GNAI3: variants seen among roughly 807,000 people sequenced by gnomAD.
GNAI3 encodes the protein G protein subunit alpha i3.
GNAI3 carries 12 observed loss-of-function variants against 41.8 expected under a neutral mutation model. That is an observed-to-expected ratio of 0.29 (90% confidence interval 0.18 to 0.47). The LOEUF is 0.47. Ranked by LOEUF, GNAI3 falls within the 20% of genes least tolerant of loss-of-function variation. GNAI3 has a pLI of 1.00. For missense variants in GNAI3, 360 were observed against 429.6 expected (o/e 0.84, Z 1.43); for synonymous variants, 132 against 146.5 (o/e 0.90, Z 0.71).
rs147790969 is a variant in GNAI3, at chr1:109,567,380, G to A, written c.119-6357G>A. ...AACTGCTATCTCAGGTGGTAGTGGT[G>A]CAGAGAGACCTGTGAGGAAGGTTCA... On this transcript the variant is annotated intron_variant, in intron 1 of 8. Transcript: ENST00000369851. 1.4e-3 allele frequency among the ~76,000 whole-genome samples: 214 copies of A among 152,328 alleles called. 1 individual carries two copies. In the East Asian group the frequency reaches 0.025, roughly 18 times the overall value.
rs567621395 is a variant in GNAI3, at chr1:109,555,951, A to AGTGC, written c.118+7125_118+7128dup. Among the ~76,000 whole-genome samples, 258 of 117,386 alleles carry AGTGC rather than the reference A, an allele frequency of 2.2e-3. 1 individual carries two copies. Among genetic ancestry groups the AGTGC allele is most frequent in the Middle Eastern group, 0.017 (4 of 240 alleles). The allele number at this position is 117,386 out of a possible 152,430, so 77.0% of individuals were successfully genotyped here. On this transcript the variant is annotated intron_variant, in intron 1 of 8. Transcript: ENST00000369851. The stretch of plus-strand genomic sequence containing the variant: ...CAGCATACTTTCTCCTGGGGAAAGG[A>AGTGC]GTGCGTGCGTGCGTGTGTGTGTGTG...
chr1:109,579,274 G>A lies in GNAI3; in HGVS notation c.374G>A (p.Gly125Glu), dbSNP rs1648830695. The A allele has an allele frequency of 6.2e-7, 1 of 1,613,334 alleles. No individual in the cohort carries two copies. The highest frequency in any genetic ancestry group is 8.5e-7 in the Non-Finnish European group (1 of 1,179,294). Residue 125 changes from glycine to glutamate, a missense_variant, in exon 4 of 9, where the codon GGA becomes GAA. Transcript: ENST00000369851. ...EEGVMTPELAGVIKRLWRDGG... is the reference protein window; with the variant it reads ...EEGVMTPELAEVIKRLWRDGG... ...GGAGTCATGACTCCAGAACTAGCAG[G>A]AGTGATTAAACGGTTATGGCGAGAT...
intron 7 of GNAI3, among the ~76,000 whole-genome samples, chr1:109,591,797 TAA>T (rs1649179473): frequency 6.6e-6 from 1 of 152,222 alleles, no homozygotes; most frequent in African/African-American, 2.4e-5. Flanking sequence ...AATGAAAAGG[TAA>T]AGAGAAATTT....
chr1:109,560,411 G>A (rs1648277963), intron 1 of GNAI3, among the ~76,000 whole-genome samples: 1 of 151,930 alleles, frequency 6.6e-6, no homozygotes, highest in Non-Finnish European at 1.5e-5. Flanking sequence ...ATTTTTTCTA[G>A]CTGTAGTAGC....
At chr1:109,577,241 G>C (rs1318627262) in intron 3 of GNAI3, among the ~76,000 whole-genome samples, 5 of 151,060 alleles carry the variant, frequency 3.3e-5, no homozygotes, top group Non-Finnish European at 7.4e-5. Context: ...GAAAAGAAAG[G>C]GAGGGGCATA....
At chr1:109,550,572 T>C (rs945384077) in intron 1 of GNAI3, among the ~76,000 whole-genome samples, 1 of 152,044 alleles carries the variant, frequency 6.6e-6, no homozygotes, top group East Asian at 1.9e-4. Flanking sequence ...CTCCCTCTGT[T>C]GCCTAGGCTG....
chr1:109,584,379 T>A (rs1474085214), intron 5 of GNAI3, among the ~76,000 whole-genome samples: 1 of 152,228 alleles, frequency 6.6e-6, no homozygotes, highest in African/African-American at 2.4e-5. Flanking sequence ...GAATGAGATT[T>A]CTTTGTATAA....
Position 109,586,214 on chromosome 1 carries a change from A to G in GNAI3, c.591-2A>G. ...GAATTTGCTTTCTTTCCCCTTGCGC[A>G]GGATGTTTGATGTAGGTGGCCAAAG... On this transcript the variant is annotated splice_acceptor_variant, in intron 5 of 8. Coordinates refer to ENST00000369851, the MANE Select transcript of GNAI3 (RefSeq NM_006496.4). LOFTEE classifies it high-confidence loss of function. 6.2e-7 allele frequency: 1 copy of G among 1,612,932 alleles called. No individual in the cohort carries two copies. The highest frequency in any genetic ancestry group is 1.7e-4 in the Middle Eastern group (1 of 6,060).
chr1:109,573,942 A>G lies in GNAI3; in HGVS notation c.208A>G (p.Lys70Glu), dbSNP rs760245898. 10 of 1,604,116 alleles carry G rather than the reference A, an allele frequency of 6.2e-6. No individual in the cohort carries two copies. The Admixed American group carries it at 1.5e-4, about 24-fold the overall frequency. The part of the protein sequence containing the change: ...GYSEDECKQY[K>E]VVVYSNTIQS... ...TTCAGAGGATGAATGTAAACAATAT[A>G]AAGTAGTTGTCTACAGCAATACTAT... Residue 70 changes from lysine to glutamate, a missense_variant, in exon 3 of 9, where the codon AAA (lysine) becomes GAA (glutamate). Physicochemically the swap from Lys to Glu is moderately conservative, Grantham distance 56. Coordinates refer to ENST00000369851, the MANE Select transcript of GNAI3 (RefSeq NM_006496.4).
At chr1:109,551,443 C>T (rs1213346882) in intron 1 of GNAI3, among the ~76,000 whole-genome samples, 1 of 152,140 alleles carries the variant, frequency 6.6e-6, no homozygotes, top group Non-Finnish European at 1.5e-5. Flanking sequence ...TCTACTTACC[C>T]TGTGTCTCCT....
At chr1:109,550,649 T>G (rs1267920947) in intron 1 of GNAI3, among the ~76,000 whole-genome samples, 1 of 152,080 alleles carries the variant, frequency 6.6e-6, no homozygotes, top group Non-Finnish European at 1.5e-5. Context: ...TTCTCCTGCC[T>G]CAGCCTCCCA....
At position 109,592,874 on chromosome 1, in the gene GNAI3, C is replaced by T. The variant is rs1181763147; in HGVS notation, c.*552C>T. On this transcript the variant is annotated 3_prime_UTR_variant, in exon 9 of 9. Coordinates refer to ENST00000369851, the MANE Select transcript of GNAI3 (RefSeq NM_006496.4). Reference sequence around the variant, plus strand: ...TCAGAATATAATACTTCCATAATTACTTATAATTCTTTCCGGTTACTGGGG... The same window carrying T: ...TCAGAATATAATACTTCCATAATTATTTATAATTCTTTCCGGTTACTGGGG... The T allele has an allele frequency of 2.0e-5, 3 of 152,496 alleles. No individual in the cohort carries two copies. The highest frequency in any genetic ancestry group is 2.0e-4 in the Admixed American group (3 of 15,260). The allele number at this position is 152,496 out of a possible 1,614,324, so 9.4% of individuals were successfully genotyped here.
At chr1:109,562,889 G>A (rs998117674) in intron 1 of GNAI3, among the ~76,000 whole-genome samples, 1 of 152,142 alleles carries the variant, frequency 6.6e-6, no homozygotes, top group Non-Finnish European at 1.5e-5. Context: ...GACATCTGCA[G>A]TATAATGAAT....
rs1279195 is a variant in GNAI3 at position 109,548,660 on chromosome 1, C to G, written c.-61C>G. On this transcript the variant is annotated 5_prime_UTR_variant, in exon 1 of 9. Coordinates refer to ENST00000369851, the MANE Select transcript of GNAI3 (RefSeq NM_006496.4). ...AGCAATAGACGGTGCCTCAGCCTGC[C>G]GAGCCGCAGTTTCCGTGGTGTGAGT... 4 of 1,218,654 alleles carry G rather than the reference C, an allele frequency of 3.3e-6. No individual in the cohort carries two copies. The highest frequency in any genetic ancestry group is 3.0e-5 in the African/African-American group (2 of 67,538). The allele number at this position is 1,218,654 out of a possible 1,614,324, so 75.5% of individuals were successfully genotyped here.
intron 1 of GNAI3, among the ~76,000 whole-genome samples, chr1:109,570,317 A>G (rs1648559896): frequency 6.6e-6 from 1 of 152,260 alleles, no homozygotes; most frequent in African/African-American, 2.4e-5. Context: ...AAGTTGAGAA[A>G]TATTTAGTAA....
chr1:109,573,794 A>T lies in GNAI3; in HGVS notation c.161+15A>T. Reference sequence around the variant, plus strand: ...AAACAGATGAAGTAAGTTGGAATGTAGCGTTTTGTTAGACTAGGATTTCTC... The same window carrying T: ...AAACAGATGAAGTAAGTTGGAATGTTGCGTTTTGTTAGACTAGGATTTCTC... On this transcript the variant is annotated intron_variant, in intron 2 of 8. Coordinates refer to ENST00000369851, the MANE Select transcript of GNAI3 (RefSeq NM_006496.4). 1.9e-6 allele frequency: 3 copies of T among 1,608,486 alleles called. No individual in the cohort carries two copies. The highest frequency in any genetic ancestry group is 1.7e-4 in the Middle Eastern group (1 of 6,044).
At position 109,579,180 on chromosome 1, in the gene GNAI3, CTCTT is replaced by C. The variant is rs769226836; in HGVS notation, c.304-19_304-16del. On this transcript the variant is annotated intron_variant, in intron 3 of 8. Transcript: ENST00000369851. Reference sequence around the variant, plus strand: ...CTTAAAGAAATGGAGAGTCATCTGTCTCTTTCTTAACTGCTTTCTTCAGGATGAT... The same window carrying C: ...CTTAAAGAAATGGAGAGTCATCTGTCTCTTAACTGCTTTCTTCAGGATGAT... The C allele has an allele frequency of 5.2e-5, 82 of 1,587,836 alleles. No individual in the cohort carries two copies. Among genetic ancestry groups the C allele is most frequent in the Non-Finnish European group, 7.0e-5 (81 of 1,163,132 alleles).
chr1:109,579,344 C>G lies in GNAI3; in HGVS notation c.444C>G (p.Leu148=), dbSNP rs1413962488. The stretch of plus-strand genomic sequence containing the variant: ...TCAGCAGATCCAGGGAATATCAGCT[C>G]AATGATTCTGCTTCATAGTAAGTAA... The part of the protein sequence containing the change: ...ACFSRSREYQ[L]NDSASYYLND... Residue 148 remains leucine, a synonymous_variant, in exon 4 of 9, where the codon CTC becomes CTG. Coordinates refer to ENST00000369851, the MANE Select transcript of GNAI3 (RefSeq NM_006496.4). 1 of 1,612,460 alleles carries G rather than the reference C, an allele frequency of 6.2e-7. No homozygotes were observed.
chr1:109,585,554 A>G (rs532813219), intron 5 of GNAI3, among the ~76,000 whole-genome samples: 1 of 149,396 alleles, frequency 6.7e-6, no homozygotes, highest in Admixed American at 6.6e-5. Context: ...GGTAAGGAAA[A>G]CAAACTTAAT....
Sources: allele counts gnomAD v4.1 joint callset (sites outside exome capture counted in the v4.1 genomes callset), GRCh38; gene constraint gnomAD v4.1.1; transcripts MANE v1.5; gene names NCBI Gene and HGNC (gene_info 2026-07-23, HGNC 2026-07-21).